The following PCDH9 variants were observed in gnomAD, a reference collection of about 807,000 sequenced individuals.
PCDH9 encodes the protein protocadherin 9, also known as protocadherin-9.
PCDH9 carries 24 observed loss-of-function variants against 70.6 expected under a neutral mutation model. The ratio of observed to expected loss-of-function variants is 0.34; its 90% CI spans 0.25 to 0.48. PCDH9 has a LOEUF of 0.48. Among genes scored for constraint, PCDH9 ranks in the 20% least tolerant of loss-of-function variants. The probability of loss-of-function intolerance (pLI) is 0.99; values close to 1 mark genes in which losing one functional copy is unlikely to be tolerated. For synonymous variants in PCDH9, 562 were observed against 558.5 expected, an observed-to-expected ratio of 1.01 and a Z score of -0.09; for missense variants, 1,281 against 1,503.6, an observed-to-expected ratio of 0.85 and a Z score of 2.45.
At chr13:66,988,141 T>A (rs893316438) in intron 2 of PCDH9, among the ~76,000 whole-genome samples, 6 of 151,996 alleles carry the variant, frequency 3.9e-5, no homozygotes, top group Non-Finnish European at 8.8e-5. Context: ...GCTCAAGAGA[T>A]CCTTGCACCT....
chr13:66,324,542 T>C (rs1955809113), intron 4 of PCDH9, among the ~76,000 whole-genome samples: 1 of 151,988 alleles, frequency 6.6e-6, no homozygotes, highest in Non-Finnish European at 1.5e-5. Context: ...AGATGAATAA[T>C]GGTAATTACA....
chr13:66,917,187 C>A (rs1459106451), intron 2 of PCDH9, among the ~76,000 whole-genome samples: 1 of 151,454 alleles, frequency 6.6e-6, no homozygotes, highest in East Asian at 1.9e-4. Context: ...GACATAGCAA[C>A]AACTTTTGCT....
chr13:66,424,883 A>C (rs2138359107), intron 4 of PCDH9, among the ~76,000 whole-genome samples: 1 of 152,026 alleles, frequency 6.6e-6, no homozygotes, highest in East Asian at 1.9e-4. Flanking sequence ...CCAGTCTTTC[A>C]TTTCTTGTAT....
intron 3 of PCDH9, among the ~76,000 whole-genome samples, chr13:66,647,482 A>C (rs1488879583): frequency 1.3e-5 from 2 of 152,164 alleles, no homozygotes; most frequent in East Asian, 3.9e-4. Context: ...GGAAGGACCC[A>C]GTCCTGGCAA....
intron 2 of PCDH9, among the ~76,000 whole-genome samples, chr13:67,131,106 T>C (rs1162194084): frequency 6.6e-6 from 1 of 152,178 alleles, no homozygotes; most frequent in African/African-American, 2.4e-5. Context: ...ATCAGATATT[T>C]ACACGTTTAA....
intron 3 of PCDH9, among the ~76,000 whole-genome samples, chr13:66,786,739 G>T (rs2080085697): frequency 6.6e-6 from 1 of 152,008 alleles, no homozygotes; most frequent in Non-Finnish European, 1.5e-5. Flanking sequence ...ATAATTTAAA[G>T]GTAGCAAACA....
chr13:66,703,723 C>G (rs143861615), intron 3 of PCDH9, among the ~76,000 whole-genome samples: 3 of 151,734 alleles, frequency 2.0e-5, no homozygotes, highest in Admixed American at 6.6e-5. Flanking sequence ...GGTGAGACCC[C>G]CGTCTCTAAA....
At chr13:67,185,739 GT>G (rs2088737965) in intron 2 of PCDH9, among the ~76,000 whole-genome samples, 1 of 152,028 alleles carries the variant, frequency 6.6e-6, no homozygotes, top group Admixed American at 6.6e-5. Context: ...CTGTGTTTTT[GT>G]TTTTGTTTTG....
intron 2 of PCDH9, chr13:67,201,729 C>T (rs950683783): frequency 1.3e-5 from 2 of 151,790 alleles, no homozygotes; most frequent in African/African-American, 4.8e-5. Flanking sequence ...AATTTAAATA[C>T]CTTTAATTAT....
intron 3 of PCDH9, among the ~76,000 whole-genome samples, chr13:66,701,226 A>G (rs2078642775): frequency 6.6e-6 from 1 of 151,488 alleles, no homozygotes; most frequent in Non-Finnish European, 1.5e-5. Context: ...TTTTGCCCAG[A>G]TTTTTGCATC....
chr13:66,480,470 G>A (rs531881080), intron 4 of PCDH9, among the ~76,000 whole-genome samples: 1 of 152,176 alleles, frequency 6.6e-6, no homozygotes, highest in Non-Finnish European at 1.5e-5. Flanking sequence ...TTTTAAAGAA[G>A]TTCTACTATT....
intron 4 of PCDH9, among the ~76,000 whole-genome samples, chr13:66,432,829 T>G (rs1957797292): frequency 6.6e-6 from 1 of 152,016 alleles, no homozygotes; most frequent in Non-Finnish European, 1.5e-5. Context: ...CCATTTAGTC[T>G]AAGTCATTAT....
intron 2 of PCDH9, among the ~76,000 whole-genome samples, chr13:67,164,773 T>C (rs2088063594): frequency 6.6e-6 from 1 of 152,072 alleles, no homozygotes; most frequent in South Asian, 2.1e-4. Context: ...TTCAGTGACA[T>C]CATCCTGATT....
At chr13:66,340,432 A>G (rs1956106215) in intron 4 of PCDH9, among the ~76,000 whole-genome samples, 1 of 152,180 alleles carries the variant, frequency 6.6e-6, no homozygotes, top group African/African-American at 2.4e-5. Context: ...GAATTTGGGC[A>G]ATATGTAATG....
At chr13:66,507,430 C>G (rs1192566307) in intron 4 of PCDH9, among the ~76,000 whole-genome samples, 1 of 152,096 alleles carries the variant, frequency 6.6e-6, no homozygotes, top group Non-Finnish European at 1.5e-5. Flanking sequence ...AGCTTTCTTT[C>G]TTTATGCCAC....
chr13:66,899,547 T>A (rs555656049), intron 3 of PCDH9, among the ~76,000 whole-genome samples: 54 of 152,050 alleles, frequency 3.6e-4, no homozygotes, highest in Non-Finnish European at 6.8e-4. Context: ...GAAGAGCTAC[T>A]CATACTGAGA....
intron 2 of PCDH9, among the ~76,000 whole-genome samples, chr13:66,997,487 G>A (rs984149304): frequency 6.7e-6 from 1 of 150,334 alleles, no homozygotes; most frequent in Non-Finnish European, 1.5e-5. Context: ...CATTAGGCTC[G>A]TCACCAACAC....
intron 4 of PCDH9, among the ~76,000 whole-genome samples, chr13:66,413,733 C>A (rs983458120): frequency 6.6e-6 from 1 of 151,602 alleles, no homozygotes; most frequent in Non-Finnish European, 1.5e-5. Context: ...AAAAAGGACC[C>A]TCAAACTTTT....
Position 66,851,187 on chromosome 13 carries a change from A to G in PCDH9, c.3138+52317T>C, listed in dbSNP as rs559189349. Among the ~76,000 whole-genome samples the G allele has an allele frequency of 5.3e-5, 8 of 152,338 alleles. No individual in the cohort carries two copies. In the South Asian group the frequency reaches 1.7e-3, roughly 32 times the overall value. Reference sequence around the variant, plus strand: ...CTGCCCTTAGACAATTTTCCTTTGAATTCTGCAACAAAAGCGTTAGTATCT... The same window carrying G: ...CTGCCCTTAGACAATTTTCCTTTGAGTTCTGCAACAAAAGCGTTAGTATCT... On this transcript the variant is annotated intron_variant, in intron 3 of 4. Coordinates refer to ENST00000377865, the MANE Select transcript of PCDH9 (RefSeq NM_203487.3).
Sources: gnomAD v4.1 joint callset for allele counts (sites outside exome capture counted in the v4.1 genomes callset) on GRCh38, gnomAD v4.1.1 for gene constraint, MANE v1.5 for transcripts, NCBI Gene and HGNC (gene_info 2026-07-23, HGNC 2026-07-21) for gene names.